GUF1: variants seen among roughly 807,000 people sequenced by gnomAD.
The protein encoded by GUF1 is GTP binding elongation factor GUF1.
Under a neutral mutation model 82.4 loss-of-function variants are expected in GUF1, and 78 were observed. The observed-to-expected ratio is 0.95, with a 90% CI of 0.79 to 1.14. The LOEUF is 1.14. Ranked by LOEUF, GUF1 falls within the 50% of genes most tolerant of loss-of-function variation. The probability of loss-of-function intolerance (pLI) is 0.00; values close to 1 mark genes in which losing one functional copy is unlikely to be tolerated. For synonymous variants in GUF1, 279 were observed against 282.3 expected (o/e 0.99, Z 0.12); for missense variants, 814 against 798.2 (o/e 1.02, Z -0.24).
chr4:44,694,443 G>C lies in GUF1; in HGVS notation c.1645G>C (p.Ala549Pro). ...FDYEDAGYQT[A>P]ELVKMDILLN... The stretch of plus-strand genomic sequence containing the variant: ...TTACGAAGATGCAGGCTACCAGACT[G>C]CAGAACTTGTAAAAATGGATATTCT... Residue 549 changes from alanine to proline, a missense_variant, in exon 14 of 17, where the codon GCA becomes CCA. By Grantham distance (27) the Ala-to-Pro change is conservative (BLOSUM62 -1). Coordinates refer to ENST00000281543, the MANE Select transcript of GUF1 (RefSeq NM_021927.3). 6.2e-7 allele frequency: 1 copy of C among 1,612,422 alleles called. No homozygotes were observed. The highest frequency in any genetic ancestry group is 1.7e-4 in the Middle Eastern group (1 of 6,054).
Position 44,688,086 on chromosome 4 carries a change from C to T in GUF1, c.1018C>T (p.His340Tyr). 2.5e-6 allele frequency: 4 copies of T among 1,612,338 alleles called. No homozygotes were observed. Among genetic ancestry groups the T allele is most frequent in the Non-Finnish European group, 3.4e-6 (4 of 1,178,752 alleles). ...EAQIGDTLCLHKQPVEPLPGF... is the reference protein window; with the variant it reads ...EAQIGDTLCLYKQPVEPLPGF... ...GCAAATAGGAGATACATTATGTTTA[C>T]ATAAGCAACCAGTGGAGCCCTTGCC... Residue 340 changes from histidine to tyrosine, a missense_variant, in exon 9 of 17, where the codon CAT (histidine) becomes TAT (tyrosine). Physicochemically the swap from His to Tyr is moderately conservative, Grantham distance 83. Transcript: ENST00000281543.
At chr4:44,689,432 T>C in intron 10 of GUF1, 23 bp downstream of exon 10, 1 of 1,589,622 alleles carries the variant, frequency 6.3e-7, no homozygotes, top group Non-Finnish European at 8.6e-7. Flanking sequence ...CACATGTGTT[T>C]TATAGGAAAG....
intron 7 of GUF1, 123 bp downstream of exon 7, chr4:44,686,146 T>C: frequency 1.4e-6 from 1 of 706,088 alleles, no homozygotes; most frequent in South Asian, 1.7e-5. Context: ...GTGGCAAATA[T>C]TCTTGCAGGC....
rs879039097 is a variant in GUF1, at chr4:44,689,202, T to C, written c.1079-84T>C. ...TAATTTAAAAGGTAAATGACTAATTTGGAACTTGGCAGCACTACACATGTG... is the reference window on the plus strand; with the variant it reads ...TAATTTAAAAGGTAAATGACTAATTCGGAACTTGGCAGCACTACACATGTG... On this transcript the variant is annotated intron_variant, in intron 9 of 16. Coordinates refer to ENST00000281543, the MANE Select transcript of GUF1 (RefSeq NM_021927.3). The C allele has an allele frequency of 4.9e-6, 6 of 1,230,144 alleles. No homozygotes were observed. In the South Asian group the frequency reaches 1.5e-4, roughly 30 times the overall value. 76.2% of individuals were successfully genotyped at this position (1,230,144 alleles called of 1,614,324 possible). A position where few individuals can be genotyped will look rare whatever the true frequency, so the allele number is the denominator to read the frequency against.
chr4:44,684,630 C>T (rs1453440415), intron 6 of GUF1, among the ~76,000 whole-genome samples: 1 of 152,094 alleles, frequency 6.6e-6, no homozygotes, highest in Non-Finnish European at 1.5e-5. Context: ...TGTGAAATTA[C>T]TATGGCTCAG....
In GUF1 at chr4:44,689,367, C is replaced by T; in HGVS notation, c.1160C>T (p.Thr387Ile). The T allele has an allele frequency of 6.2e-7, 1 of 1,609,434 alleles. No homozygotes were observed. Among genetic ancestry groups the T allele is most frequent in the Non-Finnish European group, 8.5e-7 (1 of 1,177,200 alleles). ...CTGACTTTAAATGATTCCAGTGTGA[C>T]CGTTCATCGGGATAGTAGCCTTGCT... ...EKLTLNDSSV[T>I]VHRDSSLALG... Residue 387 changes from threonine (T) to isoleucine (I), a missense_variant, in exon 10 of 17, where the codon ACC becomes ATC. Coordinates refer to ENST00000281543, the MANE Select transcript of GUF1 (RefSeq NM_021927.3).
intron 6 of GUF1, among the ~76,000 whole-genome samples, chr4:44,684,885 C>A (rs920415357): frequency 2.0e-5 from 3 of 152,148 alleles, no homozygotes; most frequent in Admixed American, 6.6e-5. Context: ...AGAAACGAAC[C>A]AGACCATTTA....
chr4:44,690,403 C>A (rs1715357599), intron 11 of GUF1, among the ~76,000 whole-genome samples: 1 of 151,594 alleles, frequency 6.6e-6, no homozygotes, highest in Non-Finnish European at 1.5e-5. Context: ...GTATTGTATT[C>A]CATGTAAGTG....
rs758302885 is a variant in GUF1, at chr4:44,682,425, G to C, written c.585+14G>C. Reference sequence around the variant, plus strand: ...GTTATAAATAAGGTAATTACAATGAGACAACAGTGTTGCTATTTCACTTTC... The same window carrying C: ...GTTATAAATAAGGTAATTACAATGACACAACAGTGTTGCTATTTCACTTTC... On this transcript the variant is annotated intron_variant, in intron 5 of 16. Transcript: ENST00000281543. 5 of 1,408,290 alleles carry C rather than the reference G, an allele frequency of 3.6e-6. No homozygotes were observed. Among genetic ancestry groups the C allele is most frequent in the Non-Finnish European group, 4.8e-6 (5 of 1,044,070 alleles). The allele number at this position is 1,408,290 out of a possible 1,614,324, so 87.2% of individuals were successfully genotyped here. A position where few individuals can be genotyped will look rare whatever the true frequency, so the allele number is the denominator to read the frequency against.
chr4:44,681,916 T>G (rs1183023610), intron 4 of GUF1, among the ~76,000 whole-genome samples: 1 of 152,124 alleles, frequency 6.6e-6, no homozygotes, highest in Non-Finnish European at 1.5e-5. Flanking sequence ...ATGTTACATC[T>G]TTTGTTTCTC....
chr4:44,688,635 A>G (rs1414659701), intron 9 of GUF1, among the ~76,000 whole-genome samples: 2 of 151,914 alleles, frequency 1.3e-5, no homozygotes, highest in African/African-American at 2.4e-5. Context: ...GACCTGATTG[A>G]AGGTCATCAG....
intron 9 of GUF1, 88 bp downstream of exon 9, chr4:44,688,234 C>G (rs972983980): frequency 3.9e-6 from 5 of 1,293,502 alleles, no homozygotes; most frequent in African/African-American, 3.0e-5. Context: ...AATACACATT[C>G]TGGTTATTTT....
rs1368987865 is a variant in GUF1 at position 44,699,200 on chromosome 4, TTATTTA to T, written c.*521_*526del. 2 of 152,344 alleles carry T rather than the reference TTATTTA, an allele frequency of 1.3e-5. No homozygotes were observed. The highest frequency in any genetic ancestry group is 4.8e-5 in the African/African-American group (2 of 41,428). The allele number at this position is 152,344 out of a possible 1,614,324, so 9.4% of individuals were successfully genotyped here. On this transcript the variant is annotated 3_prime_UTR_variant, in exon 17 of 17. Transcript: ENST00000281543. Reference sequence around the variant, plus strand: ...GTTTATGCGTCATTTCATTTTATTTTTATTTATTTTTTGAGACAGAGTCTTGCCCTG... The same window carrying T: ...GTTTATGCGTCATTTCATTTTATTTTTTTTTTGAGACAGAGTCTTGCCCTG...
At chr4:44,691,911 T>C (rs187096540) in intron 13 of GUF1, 112 bp downstream of exon 13, 404 of 751,150 alleles carry the variant, frequency 5.4e-4, no homozygotes, top group Non-Finnish European at 7.8e-4. Context: ...TTGAAGATAG[T>C]TGAGAATCAT....
rs759224729 is a variant in GUF1, at chr4:44,690,746, C to T, written c.1365C>T (p.Ile455=). The change falls in exon 12 of 17, where the codon ATC becomes ATT. Residue 455 remains isoleucine, a synonymous_variant. Transcript: ENST00000281543. The part of the protein sequence containing the change: ...KEHREKEITI[I]NPAQFPDKSK... Reference sequence around the variant, plus strand: ...ATAGAGAAAAAGAAATTACAATTATCAATCCTGCACAATTCCCCGATAAAT... The same window carrying T: ...ATAGAGAAAAAGAAATTACAATTATTAATCCTGCACAATTCCCCGATAAAT... The T allele has an allele frequency of 2.5e-6, 4 of 1,578,214 alleles. No individual in the cohort carries two copies. In the Admixed American group the frequency reaches 6.8e-5, roughly 27 times the overall value.
At chr4:44,678,905 A>G in intron 1 of GUF1, 118 bp downstream of exon 1, 1 of 1,034,744 alleles carries the variant, frequency 9.7e-7, no homozygotes, top group Non-Finnish European at 1.4e-6. Flanking sequence ...GCAACTTGGT[A>G]CAGGGAGGCA....
chr4:44,678,866 C>A, intron 1 of GUF1, 79 bp downstream of exon 1: 2 of 1,365,332 alleles, frequency 1.5e-6, no homozygotes, highest in Non-Finnish European at 2.0e-6. Context: ...ATGTATAGGG[C>A]TTTCTGGGAC....
At position 44,688,011 on chromosome 4, in the gene GUF1, G is replaced by A; in HGVS notation, c.943G>A (p.Ala315Thr). The A allele has an allele frequency of 6.2e-7, 1 of 1,610,828 alleles. No homozygotes were observed. Among genetic ancestry groups the A allele is most frequent in the Non-Finnish European group, 8.5e-7 (1 of 1,177,806 alleles). ...GCATATAATAATTTTATTTAGATAT[G>A]CAGGACAGGTGGGCTATCTGATTGC... is the stretch of plus-strand genomic sequence containing the variant. ...PNEQPTHKLY[A>T]GQVGYLIAGM... is the part of the protein sequence containing the mutation. Residue 315 changes from alanine (A) to threonine (T), a missense_variant, in exon 9 of 17, where the codon GCA (alanine) becomes ACA (threonine). Transcript: ENST00000281543.
At chr4:44,691,885 A>G in intron 13 of GUF1, 86 bp downstream of exon 13, 2 of 948,042 alleles carry the variant, frequency 2.1e-6, no homozygotes, top group Non-Finnish European at 3.1e-6. Flanking sequence ...TCATTTATTT[A>G]GTAATTTCAG....
Sources: allele counts gnomAD v4.1 joint callset (sites outside exome capture counted in the v4.1 genomes callset), GRCh38; gene constraint gnomAD v4.1.1; transcripts MANE v1.5; gene names NCBI Gene and HGNC (gene_info 2026-07-23, HGNC 2026-07-21).